CNBD1: variants seen among roughly 807,000 people sequenced by gnomAD.
CNBD1 encodes the protein cyclic nucleotide-binding domain-containing protein 1.
A neutral mutation model predicts 54.4 loss-of-function variants in CNBD1; 71 were observed. The observed-to-expected ratio is 1.30, with a 90% CI of 1.08 to 1.59. The LOEUF is 1.59. Ranked by LOEUF, CNBD1 falls within the 40% of genes most tolerant of loss-of-function variation. The probability of loss-of-function intolerance (pLI) is 0.00; values close to 1 mark genes in which losing one functional copy is unlikely to be tolerated. For synonymous variants in CNBD1, 182 were observed against 170.7 expected (o/e 1.07, Z -0.51); for missense variants, 659 against 518.0 (o/e 1.27, Z -2.64).
chr8:86,924,707 T>A (rs1303122340), intron 3 of CNBD1, among the ~76,000 whole-genome samples: 1 of 152,154 alleles, frequency 6.6e-6, no homozygotes, highest in African/African-American at 2.4e-5. Flanking sequence ...GATTATTTTA[T>A]AAATACTTAT....
chr8:87,158,415 T>C (rs1483246346), intron 4 of CNBD1, among the ~76,000 whole-genome samples: 1 of 152,184 alleles, frequency 6.6e-6, no homozygotes, highest in Admixed American at 6.6e-5. Flanking sequence ...CAGCATGCAG[T>C]GCTGTCAAAG....
intron 2 of CNBD1, among the ~76,000 whole-genome samples, chr8:87,428,325 T>C (rs1056323351): frequency 6.6e-6 from 1 of 152,108 alleles, no homozygotes; most frequent in Non-Finnish European, 1.5e-5. Flanking sequence ...GAATATAAAG[T>C]TGGACATTGT....
rs116730670 is a variant in CNBD1 at position 87,120,732 on chromosome 8, A to G, written c.432-85261A>G. Among the ~76,000 whole-genome samples the G allele has an allele frequency of 7.7e-3, 1,169 of 151,972 alleles. 14 individuals carry two copies. Among genetic ancestry groups the G allele is most frequent in the African/African-American group, 0.027 (1,126 of 41,520 alleles). ...TCCCTGTTAGCACTGTTTTTGCTGTATCTCACAGGTTTTGTTATGCTGTTT... is the reference window on the plus strand; with the variant it reads ...TCCCTGTTAGCACTGTTTTTGCTGTGTCTCACAGGTTTTGTTATGCTGTTT... On this transcript the variant is annotated intron_variant, in intron 4 of 10. Transcript: ENST00000518476.
intron 4 of CNBD1, among the ~76,000 whole-genome samples, chr8:87,167,166 AT>A (rs1412997615): frequency 6.6e-6 from 1 of 152,004 alleles, no homozygotes; most frequent in African/African-American, 2.4e-5. Flanking sequence ...TTATTTTTAT[AT>A]TCAATCAAGC....
At chr8:87,356,759 T>C (rs1433951800) in intron 10 of CNBD1, among the ~76,000 whole-genome samples, 2 of 152,170 alleles carry the variant, frequency 1.3e-5, no homozygotes, top group Non-Finnish European at 2.9e-5. Context: ...AACAACTTGC[T>C]AGAGGGATTA....
chr8:87,427,417 A>C (rs1192021692), intron 2 of CNBD1, among the ~76,000 whole-genome samples: 1 of 152,102 alleles, frequency 6.6e-6, no homozygotes, highest in Non-Finnish European at 1.5e-5. Context: ...AAGATGGGCT[A>C]ATAGGTTTAC....
intron 5 of CNBD1, among the ~76,000 whole-genome samples, chr8:87,229,599 G>A (rs1814620475): frequency 6.6e-6 from 1 of 151,778 alleles, no homozygotes; most frequent in Non-Finnish European, 1.5e-5. Flanking sequence ...ATTCTATTTT[G>A]AGAAGCTTTT....
intron 6 of CNBD1, among the ~76,000 whole-genome samples, chr8:87,245,805 T>C (rs1807791231): frequency 6.6e-6 from 1 of 152,046 alleles, no homozygotes. Context: ...GTTGCAAATA[T>C]GATTTTTAAA....
Position 87,406,388 on chromosome 8 carries a change from G to A in CNBD1, c.214-22158G>A, listed in dbSNP as rs115866293. Among the ~76,000 whole-genome samples, 302 of 148,322 alleles carry A rather than the reference G, an allele frequency of 2.0e-3. 1 individual carries two copies. Among genetic ancestry groups the A allele is most frequent in the African/African-American group, 6.6e-3 (265 of 40,308 alleles). Reference sequence around the variant, plus strand: ...TTCTCAATGCATTAAAAAGTAACATGTAAATTAAATATATTCATTCACTAG... The same window carrying A: ...TTCTCAATGCATTAAAAAGTAACATATAAATTAAATATATTCATTCACTAG... On this transcript the variant is annotated intron_variant, in intron 2 of 7. Transcript: ENST00000521593.
chr8:87,389,748 A>T (rs1437044968), intron 2 of CNBD1, among the ~76,000 whole-genome samples: 3 of 147,478 alleles, frequency 2.0e-5, no homozygotes, highest in African/African-American at 7.3e-5. Flanking sequence ...ATGGAAAAAA[A>T]CTAAAGTTCA....
chr8:87,088,660 T>C (rs1186563832), intron 4 of CNBD1, among the ~76,000 whole-genome samples: 11 of 152,144 alleles, frequency 7.2e-5, no homozygotes, highest in Admixed American at 2.0e-4. Flanking sequence ...GACATTGGTT[T>C]TACTAGTTTT....
chr8:86,965,403 A>T (rs7826182), intron 4 of CNBD1, among the ~76,000 whole-genome samples: 3 of 151,936 alleles, frequency 2.0e-5, no homozygotes, highest in Non-Finnish European at 2.9e-5. Context: ...ACCTCCATGA[A>T]GTGAAACTGG....
intron 4 of CNBD1, among the ~76,000 whole-genome samples, chr8:87,008,602 T>G (rs1475293914): frequency 1.3e-5 from 2 of 152,148 alleles, no homozygotes; most frequent in African/African-American, 2.4e-5. Flanking sequence ...AGTGAAAGGT[T>G]TTGCTACAGC....
chr8:87,287,654 C>G (rs1808722570), intron 8 of CNBD1, among the ~76,000 whole-genome samples: 1 of 152,034 alleles, frequency 6.6e-6, no homozygotes, highest in Non-Finnish European at 1.5e-5. Context: ...CTAAGGTATC[C>G]TTTGAGGGAA....
At chr8:87,298,944 T>C (rs1481115720) in intron 8 of CNBD1, among the ~76,000 whole-genome samples, 2 of 152,230 alleles carry the variant, frequency 1.3e-5, no homozygotes, top group Non-Finnish European at 2.9e-5. Flanking sequence ...ATTTGCTTTA[T>C]TAATACAGAA....
chr8:87,263,248 ATT>A (rs1398269041), intron 6 of CNBD1, among the ~76,000 whole-genome samples: 1 of 152,142 alleles, frequency 6.6e-6, no homozygotes, highest in Non-Finnish European at 1.5e-5. Context: ...TAAGCTTGTC[ATT>A]TGTGTGAAAA....
At chr8:87,167,121 A>G (rs1177458759) in intron 4 of CNBD1, among the ~76,000 whole-genome samples, 1 of 152,004 alleles carries the variant, frequency 6.6e-6, no homozygotes, top group Non-Finnish European at 1.5e-5. Context: ...TGATATTGTA[A>G]CCATTAACAC....
rs894003224 is a variant in CNBD1, at chr8:87,425,398, A to C, written c.214-3148A>C. On this transcript the variant is annotated intron_variant, in intron 2 of 7. Transcript: ENST00000521593. ...CCTTTGGAGGAGGAGAGGCGCTCTG[A>C]TTTTTAGAGTTTCCAGTTTTTCTGT... Among the ~76,000 whole-genome samples, 213 of 152,108 alleles carry C rather than the reference A, an allele frequency of 1.4e-3. 6 individuals carry two copies. The East Asian group carries it at 0.025, about 18-fold the overall frequency.
At chr8:86,961,254 C>T (rs1367627292) in intron 4 of CNBD1, among the ~76,000 whole-genome samples, 1 of 152,152 alleles carries the variant, frequency 6.6e-6, no homozygotes, top group Middle Eastern at 3.2e-3. Flanking sequence ...CCCCAATAGA[C>T]AATCCAATGA....
Sources: gnomAD v4.1 joint callset for allele counts (sites outside exome capture counted in the v4.1 genomes callset) on GRCh38, gnomAD v4.1.1 for gene constraint, MANE v1.5 for transcripts, NCBI Gene and HGNC (gene_info 2026-07-23, HGNC 2026-07-21) for gene names.